Variants in ZNF544 observed in about 807,000 individuals in gnomAD.
ZNF544 encodes zinc finger protein AF020591.
ZNF544 carries 10 observed loss-of-function variants against 13.5 expected under a neutral mutation model. The observed-to-expected ratio is 0.74, with a 90% CI of 0.46 to 1.25. ZNF544 has a LOEUF of 1.25. Ranked by LOEUF, ZNF544 falls within the 50% of genes most tolerant of loss-of-function variation. The pLI is 0.00. For synonymous variants in ZNF544, 323 were observed against 300.5 expected (o/e 1.07, Z -0.77); for missense variants, 896 against 845.6 (o/e 1.06, Z -0.74).
At chr19:58,240,442 A>G (rs1225677865) in intron 3 of ZNF544, among the ~76,000 whole-genome samples, 2 of 151,894 alleles carry the variant, frequency 1.3e-5, no homozygotes, top group Admixed American at 1.3e-4. Flanking sequence ...TATTTTTAGT[A>G]GAGATGGGGT....
intron 6 of ZNF544, 61 bp downstream of exon 6, chr19:58,246,855 C>T (rs562192155): frequency 7.5e-5 from 116 of 1,541,550 alleles, no homozygotes; most frequent in Non-Finnish European, 9.3e-5. Flanking sequence ...GAGAGCTCTC[C>T]GCAGGGCCCC....
rs376691400 is a variant in ZNF544, at chr19:58,274,691, A to T, written c.245-1632A>T. On this transcript the variant is annotated intron_variant, in intron 5 of 6. Coordinates refer to the ZNF544 transcript ENST00000595981. ...TACTTTACGAAAAACAGCATTTTCC[A>T]AAACAGAAATAGGGAGAAGAGTGGC... is the stretch of plus-strand genomic sequence containing the variant. Among the ~76,000 whole-genome samples, 67 of 152,322 alleles carry T rather than the reference A, an allele frequency of 4.4e-4. 1 individual carries two copies. The South Asian group carries it at 0.014, about 31-fold the overall frequency.
chr19:58,237,400 G>T (rs2042641082), intron 3 of ZNF544, among the ~76,000 whole-genome samples: 1 of 152,120 alleles, frequency 6.6e-6, no homozygotes. Context: ...GTGGAAATTG[G>T]TTACAGGGGC....
At position 58,276,176 on chromosome 19, in the gene ZNF544, CA is replaced by C. The variant is rs200796687; in HGVS notation, c.245-141del. ...TGGACAACAGAGTGAGACCCTGTCT[CA>C]AAAAACAAATAAACAACAAAAAAAG... On this transcript the variant is annotated intron_variant, in intron 5 of 6. Coordinates refer to the ZNF544 transcript ENST00000595981. The C allele has an allele frequency of 3.8e-3, 1,521 of 402,494 alleles. 15 individuals carry two copies. The highest frequency in any genetic ancestry group is 0.025 in the African/African-American group (1,199 of 48,546). The allele number at this position is 402,494 out of a possible 1,614,324, so 24.9% of individuals were successfully genotyped here. A position where few individuals can be genotyped will look rare whatever the true frequency, so the allele number is the denominator to read the frequency against.
rs2048896791 is a variant in ZNF544, at chr19:58,261,344, C to T, written c.738C>T (p.Val246=). 3 of 1,614,124 alleles carry T rather than the reference C, an allele frequency of 1.9e-6. No individual in the cohort carries two copies. The highest frequency in any genetic ancestry group is 2.5e-6 in the Non-Finnish European group (3 of 1,180,046). ...TGKKNPYEYI[V]SGDSLNYGSS... The stretch of plus-strand genomic sequence containing the variant: ...AGAAAAACCCTTATGAATATATTGT[C>T]AGTGGTGACTCTCTCAACTATGGTT... The change falls in exon 7 of 7, where the codon GTC becomes GTT. Residue 246 remains valine, a synonymous_variant. Coordinates refer to ENST00000687789, the MANE Select transcript of ZNF544 (RefSeq NM_014480.4).
chr19:58,270,365 G>A (rs1412960212), intron 5 of ZNF544, among the ~76,000 whole-genome samples: 1 of 150,568 alleles, frequency 6.6e-6, no homozygotes, highest in African/African-American at 2.4e-5. Context: ...GCAGTGGCGC[G>A]ATCTTGGCTC....
chr19:58,245,560 A>G (rs2044996384), intron 4 of ZNF544, among the ~76,000 whole-genome samples: 1 of 152,116 alleles, frequency 6.6e-6, no homozygotes, highest in Non-Finnish European at 1.5e-5. Context: ...TCGGCCTCCC[A>G]AAGTGCTGGG....
At chr19:58,238,761 C>T (rs1164006049) in intron 3 of ZNF544, among the ~76,000 whole-genome samples, 1 of 152,074 alleles carries the variant, frequency 6.6e-6, no homozygotes, top group Admixed American at 6.6e-5. Context: ...ACAGTCTCCC[C>T]ATCTAAAGAT....
chr19:58,245,038 C>T (rs757403214), intron 4 of ZNF544, among the ~76,000 whole-genome samples: 10 of 151,880 alleles, frequency 6.6e-5, no homozygotes, highest in Non-Finnish European at 1.3e-4. Flanking sequence ...AACTCCGCCT[C>T]CTGGTTTCAA....
chr19:58,272,790 C>T (rs536032448), intron 5 of ZNF544, among the ~76,000 whole-genome samples: 10 of 150,584 alleles, frequency 6.6e-5, no homozygotes, highest in Admixed American at 2.0e-4. Flanking sequence ...TTGCTTGAAC[C>T]GGGACCTGGG....
chr19:58,231,547 T>G (rs992438295), intron 3 of ZNF544, among the ~76,000 whole-genome samples: 1 of 152,238 alleles, frequency 6.6e-6, no homozygotes, highest in African/African-American at 2.4e-5. Flanking sequence ...TAGGCCCCGG[T>G]GTGTTTTAAT....
rs375284978 is a variant in ZNF544 at position 58,262,330 on chromosome 19, C to T, written c.1724C>T (p.Pro575Leu). ...CAGAGAATTCATACTGGAGAGAAAC[C>T]GTACGATTGCACTCACTGTGGAAAG... ...IHQRIHTGEK[P>L]YDCTHCGKSF... The change falls in exon 7 of 7, where the codon CCG (proline) becomes CTG (leucine). Residue 575 changes from proline (P) to leucine (L), a missense_variant. Transcript: ENST00000687789. The T allele has an allele frequency of 8.0e-5, 129 of 1,614,002 alleles. No individual in the cohort carries two copies. The highest frequency in any genetic ancestry group is 9.9e-5 in the Non-Finnish European group (117 of 1,179,980).
chr19:58,254,485 A>G (rs1241983228), intron 6 of ZNF544, among the ~76,000 whole-genome samples: 2 of 152,176 alleles, frequency 1.3e-5, no homozygotes, highest in Admixed American at 6.5e-5. Context: ...AGGGTGTAGT[A>G]CTATTCCTCA....
At chr19:58,235,160 A>G (rs2042118349) in intron 3 of ZNF544, among the ~76,000 whole-genome samples, 1 of 152,256 alleles carries the variant, frequency 6.6e-6, no homozygotes, top group South Asian at 2.1e-4. Flanking sequence ...TAATACACAT[A>G]CAAGTTATGT....
Position 58,263,398 on chromosome 19 carries a change from T to C in ZNF544, c.*644T>C. 4 of 980,998 alleles carry C rather than the reference T, an allele frequency of 4.1e-6. No homozygotes were observed. The South Asian group carries it at 1.9e-4, about 46-fold the overall frequency. The allele number at this position is 980,998 out of a possible 1,614,324, so 60.8% of individuals were successfully genotyped here. A position where few individuals can be genotyped will look rare whatever the true frequency, so the allele number is the denominator to read the frequency against. ...ATCACTTGAGCTTGGGAGGCGGTGGTTGCAGTGAGCTGTGATCATGCCATC... is the reference window on the plus strand; with the variant it reads ...ATCACTTGAGCTTGGGAGGCGGTGGCTGCAGTGAGCTGTGATCATGCCATC... On this transcript the variant is annotated 3_prime_UTR_variant, in exon 7 of 7. Coordinates refer to ENST00000687789, the MANE Select transcript of ZNF544 (RefSeq NM_014480.4).
downstream of ZNF544, chr19:58,267,099 T>A (rs1429183018): frequency 3.3e-5 from 5 of 152,260 alleles, no homozygotes; most frequent in African/African-American, 1.2e-4. Context: ...TCTCATTCTG[T>A]TGCTCAGGCT....
intron 5 of ZNF544, among the ~76,000 whole-genome samples, chr19:58,269,187 C>T (rs1046984295): frequency 3.9e-5 from 6 of 152,176 alleles, no homozygotes; most frequent in African/African-American, 1.4e-4. Flanking sequence ...GTAATCCCAG[C>T]TCTTTGGGAG....
intron 3 of ZNF544, among the ~76,000 whole-genome samples, chr19:58,233,413 G>T (rs1009966913): frequency 6.6e-6 from 1 of 152,156 alleles, no homozygotes; most frequent in African/African-American, 2.4e-5. Flanking sequence ...AATGTTTATG[G>T]ACCAGACACC....
chr19:58,236,927 G>C (rs2042530404), intron 3 of ZNF544, among the ~76,000 whole-genome samples: 2 of 151,394 alleles, frequency 1.3e-5, no homozygotes, highest in African/African-American at 4.9e-5. Context: ...ATTTTTAGTA[G>C]ACAGGGTTTC....
Sources: gnomAD v4.1 joint callset for allele counts (sites outside exome capture counted in the v4.1 genomes callset) on GRCh38, gnomAD v4.1.1 for gene constraint, MANE v1.5 for transcripts, NCBI Gene and HGNC (gene_info 2026-07-23, HGNC 2026-07-21) for gene names.